LRBA: variants seen among roughly 807,000 people sequenced by gnomAD.
The protein encoded by LRBA is lipopolysaccharide-responsive and beige-like anchor protein.
A neutral mutation model predicts 330.0 loss-of-function variants in LRBA; 176 were observed. That is an observed-to-expected ratio of 0.53 (90% CI 0.47 to 0.60). LRBA has a LOEUF of 0.60. Ranked by LOEUF, LRBA falls within the 20% of genes least tolerant of loss-of-function variation. LRBA has a pLI of 0.00. For missense variants in LRBA, 3,259 were observed against 3,444.8 expected (o/e 0.95, Z 1.35); for synonymous variants, 1,230 against 1,193.0 (o/e 1.03, Z -0.64).
At chr4:150,364,962 T>A (rs1739237078) in intron 47 of LRBA, among the ~76,000 whole-genome samples, 1 of 151,854 alleles carries the variant, frequency 6.6e-6, no homozygotes, top group African/African-American at 2.4e-5. Context: ...ATCATAAATA[T>A]ATATCATAAT....
At chr4:150,619,644 T>C (rs1179421151) in intron 37 of LRBA, among the ~76,000 whole-genome samples, 1 of 152,162 alleles carries the variant, frequency 6.6e-6, no homozygotes, top group African/African-American at 2.4e-5. Flanking sequence ...AGATTATAAG[T>C]AGGCTGTAAT....
intron 36 of LRBA, among the ~76,000 whole-genome samples, chr4:150,698,498 T>C (rs1443940425): frequency 2.6e-5 from 4 of 152,206 alleles, no homozygotes; most frequent in Non-Finnish European, 5.9e-5. Context: ...TGGATTTAAT[T>C]TGATCAACAA....
At chr4:150,354,946 GTATA>G (rs555632193) in intron 47 of LRBA, among the ~76,000 whole-genome samples, 1 of 151,408 alleles carries the variant, frequency 6.6e-6, no homozygotes, top group Admixed American at 6.6e-5. Flanking sequence ...GTGTGTGTGT[GTATA>G]TATATATGTG....
At chr4:150,715,284 T>C (rs962090689) in intron 36 of LRBA, among the ~76,000 whole-genome samples, 11 of 152,204 alleles carry the variant, frequency 7.2e-5, no homozygotes, top group Admixed American at 6.5e-5. Context: ...CTGTCAAGGT[T>C]GCATTCTCAT....
intron 29 of LRBA, among the ~76,000 whole-genome samples, chr4:150,831,225 A>C (rs1578923430): frequency 6.9e-6 from 1 of 145,200 alleles, no homozygotes; most frequent in Non-Finnish European, 1.5e-5. Context: ...TAGCACTTTC[A>C]CCACCTTCTA....
intron 37 of LRBA, 113 bp downstream of exon 37, chr4:150,683,436 GAC>G: frequency 1.2e-6 from 1 of 825,156 alleles, no homozygotes. Context: ...GATGATGAAA[GAC>G]AAAATTAAAT....
chr4:150,544,127 C>CTT (rs869254893), intron 40 of LRBA, among the ~76,000 whole-genome samples: 1 of 145,104 alleles, frequency 6.9e-6, no homozygotes, highest in Admixed American at 6.9e-5. Context: ...TTCTTCCTTT[C>CTT]TTTTTTTTTT....
At chr4:150,334,800 A>G (rs1285958155) in intron 48 of LRBA, among the ~76,000 whole-genome samples, 1 of 150,050 alleles carries the variant, frequency 6.7e-6, no homozygotes. Context: ...TATTTGGTAT[A>G]TCATTATTAA....
rs559082089 is a variant in LRBA at position 150,335,939 on chromosome 4, G to A, written c.7363-10041C>T. Among the ~76,000 whole-genome samples, 10 of 152,252 alleles carry A rather than the reference G, an allele frequency of 6.6e-5. No homozygotes were observed. The South Asian group carries it at 1.7e-3, about 25-fold the overall frequency. On this transcript the variant is annotated intron_variant, in intron 48 of 56. Coordinates refer to ENST00000651943, the MANE Select transcript of LRBA (RefSeq NM_001364905.1). ...TTGAACTCCTGAGCTCAAATGATCT[G>A]CCCGCCTTGGCCTCCCAAAGTTCTG...
At chr4:150,951,631 GTACTC>G (rs1736847999) in intron 2 of LRBA, among the ~76,000 whole-genome samples, 2 of 152,012 alleles carry the variant, frequency 1.3e-5, no homozygotes, top group Admixed American at 6.5e-5. Context: ...AATCTACAAA[GTACTC>G]TAACCATAAT....
chr4:150,369,539 A>T (rs566057938), intron 47 of LRBA, among the ~76,000 whole-genome samples: 68 of 152,242 alleles, frequency 4.5e-4, no homozygotes, highest in African/African-American at 1.6e-3. Flanking sequence ...TGCCTAAAAA[A>T]ATATACTTTT....
intron 51 of LRBA, among the ~76,000 whole-genome samples, chr4:150,314,570 T>C (rs1468753135): frequency 6.6e-6 from 1 of 152,174 alleles, no homozygotes; most frequent in African/African-American, 2.4e-5. Flanking sequence ...GCTTCATTCA[T>C]ATGCTTTCTT....
intron 33 of LRBA, among the ~76,000 whole-genome samples, chr4:150,803,274 T>C (rs1285991965): frequency 1.3e-5 from 2 of 151,882 alleles, no homozygotes; most frequent in African/African-American, 2.4e-5. Context: ...TGCTATTAAG[T>C]ATTCAAGGGT....
intron 2 of LRBA, among the ~76,000 whole-genome samples, chr4:150,969,531 A>T (rs1428569729): frequency 1.3e-5 from 2 of 152,188 alleles, no homozygotes; most frequent in African/African-American, 4.8e-5. Flanking sequence ...GCAGTGGTGC[A>T]ATCACAACTC....
intron 41 of LRBA, among the ~76,000 whole-genome samples, chr4:150,489,200 T>TATATATTATATATACGTATATATA (rs1561249915): frequency 2.4e-4 from 15 of 63,822 alleles, no homozygotes; most frequent in Admixed American, 1.2e-3. Context: ...TATATATAAG[T>TATATATTATATATACGTATATATA]ATATATTATA....
chr4:150,832,320 G>C (rs1474891395), intron 28 of LRBA, among the ~76,000 whole-genome samples: 2 of 152,168 alleles, frequency 1.3e-5, no homozygotes, highest in African/African-American at 4.8e-5. Flanking sequence ...AAACAGGTCA[G>C]ATGCAGTGGC....
chr4:150,555,381 C>T (rs1365677474), intron 40 of LRBA, among the ~76,000 whole-genome samples: 1 of 152,184 alleles, frequency 6.6e-6, no homozygotes, highest in Non-Finnish European at 1.5e-5. Context: ...AGACAGCATA[C>T]TTGCAGCTAA....
intron 35 of LRBA, among the ~76,000 whole-genome samples, chr4:150,748,699 T>C (rs190680957): frequency 1.7e-4 from 25 of 151,296 alleles, no homozygotes; most frequent in Admixed American, 5.3e-4. Flanking sequence ...TGAAATTGGA[T>C]GCTTGTTGAT....
chr4:150,588,665 A>G (rs558602203), intron 39 of LRBA, among the ~76,000 whole-genome samples: 3 of 152,220 alleles, frequency 2.0e-5, no homozygotes, highest in Non-Finnish European at 4.4e-5. Flanking sequence ...ATGTTAAACC[A>G]TATTTTCTGA....
Sources: allele counts gnomAD v4.1 joint callset (sites outside exome capture counted in the v4.1 genomes callset), GRCh38; gene constraint gnomAD v4.1.1; transcripts MANE v1.5; gene names NCBI Gene and HGNC (gene_info 2026-07-23, HGNC 2026-07-21).